The following CHST6 variants were observed in gnomAD, a reference collection of about 807,000 sequenced individuals.
The protein encoded by CHST6 is N-acetylglucosamine 6-O-sulfotransferase 5.
For missense variants in CHST6, 698 were observed against 586.2 expected (o/e 1.19, Z -1.97); for synonymous variants, 309 against 276.4 (o/e 1.12, Z -1.17).
At position 75,478,053 on chromosome 16, in the gene CHST6, A is replaced by C. The variant is rs886052316; in HGVS notation, c.*588T>G. 6 of 166,980 alleles carry C rather than the reference A, an allele frequency of 3.6e-5. No individual in the cohort carries two copies. Among genetic ancestry groups the C allele is most frequent in the Non-Finnish European group, 7.9e-5 (6 of 76,144 alleles). The allele number at this position is 166,980 out of a possible 1,614,324, so 10.3% of individuals were successfully genotyped here. ...GACTCTGCTTGCTCTTCCCTAAAGC[A>C]ATTAAAATAGGAAAATCTGACCCTT... On this transcript the variant is annotated 3_prime_UTR_variant, in exon 3 of 3. Coordinates refer to ENST00000332272, the MANE Select transcript of CHST6 (RefSeq NM_021615.5).
chr16:75,490,072 G>A (rs2080239183), intron 1 of CHST6, among the ~76,000 whole-genome samples: 1 of 151,010 alleles, frequency 6.6e-6, no homozygotes, highest in Non-Finnish European at 1.5e-5. Context: ...CAGCTACTCG[G>A]CGGGGAGGGA....
rs1486703583 is a variant in CHST6 at position 75,473,949 on chromosome 16, A to ATCACCT, written c.*4686_*4691dup. On this transcript the variant is annotated 3_prime_UTR_variant, in exon 3 of 3. Coordinates refer to ENST00000332272, the MANE Select transcript of CHST6 (RefSeq NM_021615.5). Reference sequence around the variant, plus strand: ...CACATTGGGAGGCCAAGGCAGGTGGATCACCTGAGGTCAGGAGTTCCAGCC... The same window carrying ATCACCT: ...CACATTGGGAGGCCAAGGCAGGTGGATCACCTTCACCTGAGGTCAGGAGTTCCAGCC... 2.4e-4 allele frequency: 36 copies of ATCACCT among 152,304 alleles called. No homozygotes were observed. The highest frequency in any genetic ancestry group is 7.9e-4 in the African/African-American group (33 of 41,562). The allele number at this position is 152,304 out of a possible 1,614,324, so 9.4% of individuals were successfully genotyped here. A position where few individuals can be genotyped will look rare whatever the true frequency, so the allele number is the denominator to read the frequency against.
chr16:75,486,192 C>A (rs1057022225), intron 1 of CHST6, among the ~76,000 whole-genome samples: 18 of 152,254 alleles, frequency 1.2e-4, no homozygotes, highest in Admixed American at 1.0e-3. Flanking sequence ...CAAGGCATGC[C>A]CCACTCTGCC....
chr16:75,488,721 T>C (rs893251560), intron 1 of CHST6, among the ~76,000 whole-genome samples: 1 of 151,924 alleles, frequency 6.6e-6, no homozygotes, highest in Admixed American at 6.6e-5. Context: ...CGGTGGCTCA[T>C]GCCTGTAATC....
rs2080063057 is a variant in CHST6 at position 75,476,096 on chromosome 16, C to G, written c.*2545G>C. ...TCCTGACCTCAAGTGATCCACCTGC[C>G]TCAGCCTTCCAAAATGCTGGGATTA... On this transcript the variant is annotated 3_prime_UTR_variant, in exon 3 of 3. Transcript: ENST00000332272. 1 of 152,006 alleles carries G rather than the reference C, an allele frequency of 6.6e-6. No individual in the cohort carries two copies. Among genetic ancestry groups the G allele is most frequent in the Non-Finnish European group, 1.5e-5 (1 of 68,042 alleles). 9.4% of individuals were successfully genotyped at this position (152,006 alleles called of 1,614,324 possible).
Position 75,478,566 on chromosome 16 carries a change from C to T in CHST6, c.*75G>A. 6.7e-7 allele frequency: 1 copy of T among 1,485,344 alleles called. No homozygotes were observed. Among genetic ancestry groups the T allele is most frequent in the Non-Finnish European group, 9.4e-7 (1 of 1,064,342 alleles). 92.0% of individuals were successfully genotyped at this position (1,485,344 alleles called of 1,614,324 possible). A position where few individuals can be genotyped will look rare whatever the true frequency, so the allele number is the denominator to read the frequency against. On this transcript the variant is annotated 3_prime_UTR_variant, in exon 3 of 3. Transcript: ENST00000332272. ...CCTTGGTCAATATAGGGACCTGCTT[C>T]TCCGTGCGCCCCAGCCCCCTCTGCA... is the stretch of plus-strand genomic sequence containing the variant.
chr16:75,487,180 T>C (rs1340251480), intron 1 of CHST6, among the ~76,000 whole-genome samples: 1 of 152,238 alleles, frequency 6.6e-6, no homozygotes, highest in Non-Finnish European at 1.5e-5. Context: ...CAGGATCTTC[T>C]AAACATCCCT....
chr16:75,489,276 G>A (rs927353238), intron 1 of CHST6, among the ~76,000 whole-genome samples: 4 of 151,182 alleles, frequency 2.6e-5, no homozygotes, highest in African/African-American at 9.8e-5. Context: ...GTGCATGCCT[G>A]TAATCCCAGC....
At chr16:75,493,505 A>C (rs1567417217) in intron 1 of CHST6, among the ~76,000 whole-genome samples, 1 of 146,358 alleles carries the variant, frequency 6.8e-6, no homozygotes, top group South Asian at 2.3e-4. Context: ...TGACAGAGCG[A>C]GACTCCGTAT....
At chr16:75,490,388 G>T (rs981410559) in intron 1 of CHST6, among the ~76,000 whole-genome samples, 2 of 152,036 alleles carry the variant, frequency 1.3e-5, no homozygotes, top group African/African-American at 4.8e-5. Flanking sequence ...TGAGGCAGGA[G>T]AATCACTTGA....
rs571790078 is a variant in CHST6, at chr16:75,474,969, T to A, written c.*3672A>T. On this transcript the variant is annotated 3_prime_UTR_variant, in exon 3 of 3. Transcript: ENST00000332272. ...TGCCACCACACCTGGCTAATTTTTG[T>A]ATTTTAACTAGAAATGGTGTTTTAC... 3.3e-6 allele frequency: 1 copy of A among 304,970 alleles called. No individual in the cohort carries two copies. Among genetic ancestry groups the A allele is most frequent in the East Asian group, 5.1e-5 (1 of 19,756 alleles). 18.9% of individuals were successfully genotyped at this position (304,970 alleles called of 1,614,324 possible). A position where few individuals can be genotyped will look rare whatever the true frequency, so the allele number is the denominator to read the frequency against.
In CHST6 at chr16:75,479,047, G is replaced by A. The variant is rs1339761685; in HGVS notation, c.782C>T (p.Pro261Leu). 1.2e-6 allele frequency: 2 copies of A among 1,608,550 alleles called. No individual in the cohort carries two copies. The highest frequency in any genetic ancestry group is 1.1e-5 in the South Asian group (1 of 91,056). ...RIAEAATLKP[P>L]PFLRGRYRLV... ...GCGGTAGCGGCCGCGCAGAAAGGGTGGCGGCTTGAGTGTGGCGGCCTCGGC... is the reference window on the plus strand; with the variant it reads ...GCGGTAGCGGCCGCGCAGAAAGGGTAGCGGCTTGAGTGTGGCGGCCTCGGC... The change falls in exon 3 of 3, where the codon CCA becomes CTA. Residue 261 changes from proline to leucine, a missense_variant. Physicochemically the swap from Pro to Leu is moderately conservative, Grantham distance 98 (BLOSUM62 -3). Coordinates refer to ENST00000332272, the MANE Select transcript of CHST6 (RefSeq NM_021615.5).
At chr16:75,485,458 CTCTT>C (rs922914507) in intron 1 of CHST6, among the ~76,000 whole-genome samples, 1 of 152,124 alleles carries the variant, frequency 6.6e-6, no homozygotes, top group Non-Finnish European at 1.5e-5. Context: ...GAGTGTGACC[CTCTT>C]TCTTAAAAAA....
intron 1 of CHST6, among the ~76,000 whole-genome samples, chr16:75,484,316 G>T (rs1422262386): frequency 6.6e-6 from 1 of 152,184 alleles, no homozygotes; most frequent in African/African-American, 2.4e-5. Context: ...CAGCCTGGGT[G>T]ACAGAGCGAG....
At chr16:75,493,244 C>T (rs2080274858) in intron 1 of CHST6, among the ~76,000 whole-genome samples, 1 of 152,056 alleles carries the variant, frequency 6.6e-6, no homozygotes, top group African/African-American at 2.4e-5. Context: ...GGTGCGGTGG[C>T]TCACACCTGT....
intron 1 of CHST6, among the ~76,000 whole-genome samples, chr16:75,492,272 A>T (rs2650413): frequency 0.063 from 9,546 of 152,262 alleles, 399 homozygotes; most frequent in African/African-American, 0.094. Context: ...GGGCACTTCA[A>T]ACAGCACCTG....
Position 75,479,405 on chromosome 16 carries a change from C to T in CHST6, c.424G>A (p.Ala142Thr), listed in dbSNP as rs1391332033. ...TTGCACACGGCCTCGCTGCTGATGGCGCCTCGGGGAAAGGCACTGCAGGCG... is the reference window on the plus strand; with the variant it reads ...TTGCACACGGCCTCGCTGCTGATGGTGCCTCGGGGAAAGGCACTGCAGGCG... Reference protein sequence around the residue: ...PPACSAFPRGAISSEAVCKPL... With the variant: ...PPACSAFPRGTISSEAVCKPL... The change falls in exon 3 of 3, where the codon GCC (alanine) becomes ACC (threonine). Residue 142 changes from alanine (A) to threonine (T), a missense_variant. Transcript: ENST00000332272. The T allele has an allele frequency of 1.2e-6, 2 of 1,612,728 alleles. No homozygotes were observed. Among genetic ancestry groups the T allele is most frequent in the Non-Finnish European group, 1.7e-6 (2 of 1,179,830 alleles).
chr16:75,494,136 C>A (rs116276394), intron 1 of CHST6, among the ~76,000 whole-genome samples: 1 of 152,170 alleles, frequency 6.6e-6, no homozygotes, highest in Admixed American at 6.5e-5. Flanking sequence ...TGAACCACTG[C>A]GACTGGCCTT....
intron 1 of CHST6, among the ~76,000 whole-genome samples, chr16:75,492,546 T>C (rs1288318585): frequency 1.3e-5 from 2 of 152,216 alleles, no homozygotes; most frequent in Non-Finnish European, 2.9e-5. Context: ...GAAGAGACTA[T>C]TTTATAGGAA....
Sources: allele counts gnomAD v4.1 joint callset (sites outside exome capture counted in the v4.1 genomes callset), GRCh38; gene constraint gnomAD v4.1.1; transcripts MANE v1.5; gene names NCBI Gene and HGNC (gene_info 2026-07-23, HGNC 2026-07-21).